SETD3: variants seen among roughly 807,000 people sequenced by gnomAD.
SETD3 encodes actin-histidine N-methyltransferase.
SETD3 carries 19 observed loss-of-function variants against 63.0 expected under a neutral mutation model. The observed-to-expected ratio is 0.30, with a 90% CI of 0.21 to 0.44. SETD3 has a LOEUF of 0.44. Among genes scored for constraint, SETD3 ranks in the 20% least tolerant of loss-of-function variants. SETD3 has a pLI of 1.00. For synonymous variants in SETD3, 286 were observed against 264.1 expected, an observed-to-expected ratio of 1.08 and a Z score of -0.80; for missense variants, 587 against 728.5, an observed-to-expected ratio of 0.81 and a Z score of 2.24.
At chr14:99,444,545 T>C (rs1340722836) in intron 6 of SETD3, 1 of 152,204 alleles carries the variant, frequency 6.6e-6, no homozygotes, top group African/African-American at 2.4e-5. Context: ...ATCCATCTGC[T>C]CTGATCTTAT....
At chr14:99,419,471 C>T (rs902790498) in intron 6 of SETD3, among the ~76,000 whole-genome samples, 5 of 152,166 alleles carry the variant, frequency 3.3e-5, no homozygotes, top group African/African-American at 9.7e-5. Flanking sequence ...GCAAAAGATA[C>T]GTCTGTTTAA....
chr14:99,442,967 G>A (rs968708528), intron 6 of SETD3, among the ~76,000 whole-genome samples: 4 of 152,172 alleles, frequency 2.6e-5, no homozygotes, highest in African/African-American at 7.2e-5. Flanking sequence ...ACTCTGACGC[G>A]GACGGGACGC....
chr14:99,450,908 A>C (rs940795982), intron 6 of SETD3, among the ~76,000 whole-genome samples: 1 of 152,238 alleles, frequency 6.6e-6, no homozygotes, highest in African/African-American at 2.4e-5. Context: ...AGAAAAATGT[A>C]CATGTCTCTA....
intron 6 of SETD3, among the ~76,000 whole-genome samples, chr14:99,420,582 GC>G (rs1041124179): frequency 2.6e-5 from 4 of 152,036 alleles, no homozygotes; most frequent in Non-Finnish European, 5.9e-5. Flanking sequence ...CCACACCAAG[GC>G]AGTGACCATA....
intron 6 of SETD3, among the ~76,000 whole-genome samples, chr14:99,428,912 C>A (rs1893027046): frequency 6.6e-6 from 1 of 152,170 alleles, no homozygotes; most frequent in Non-Finnish European, 1.5e-5. Context: ...AGAGACCCTG[C>A]AGCAGACAGC....
intron 2 of SETD3, among the ~76,000 whole-genome samples, 153 bp from the exon 3 acceptor site, chr14:99,463,731 G>A (rs1236847959): frequency 1.3e-5 from 2 of 152,140 alleles, no homozygotes; most frequent in Non-Finnish European, 2.9e-5. Context: ...TAATGAATGT[G>A]AGAAGTACAA....
At chr14:99,454,460 C>T (rs1277379344) in intron 6 of SETD3, among the ~76,000 whole-genome samples, 1 of 151,968 alleles carries the variant, frequency 6.6e-6, no homozygotes, top group Non-Finnish European at 1.5e-5. Context: ...TTTTTGGCCA[C>T]CAGGAGTTTT....
At chr14:99,435,436 T>C (rs993784411) in intron 6 of SETD3, among the ~76,000 whole-genome samples, 1 of 152,188 alleles carries the variant, frequency 6.6e-6, no homozygotes, top group African/African-American at 2.4e-5. Flanking sequence ...TACTTCCCGA[T>C]AGCTTGTCAA....
chr14:99,433,775 C>G (rs764738413), intron 6 of SETD3, among the ~76,000 whole-genome samples: 2 of 152,196 alleles, frequency 1.3e-5, no homozygotes, highest in Admixed American at 1.3e-4. Flanking sequence ...TGAACAGGCA[C>G]TTCCCAAAAG....
At chr14:99,432,152 C>T (rs1450630118) in intron 6 of SETD3, among the ~76,000 whole-genome samples, 1 of 152,138 alleles carries the variant, frequency 6.6e-6, no homozygotes, top group Non-Finnish European at 1.5e-5. Flanking sequence ...AGTAAAAATA[C>T]ACTGAACTAC....
intron 6 of SETD3, among the ~76,000 whole-genome samples, chr14:99,424,676 T>C (rs1310812573): frequency 6.6e-6 from 1 of 151,906 alleles, no homozygotes; most frequent in African/African-American, 2.4e-5. Context: ...GGTCCCTTCC[T>C]CAGAGGGAGG....
chr14:99,402,804 C>A (rs773000062), intron 11 of SETD3, among the ~76,000 whole-genome samples: 25 of 152,220 alleles, frequency 1.6e-4, no homozygotes, highest in Non-Finnish European at 2.6e-4. Flanking sequence ...CCAATCAAGG[C>A]TGATGGGATT....
chr14:99,402,155 C>G (rs529715795), intron 11 of SETD3, among the ~76,000 whole-genome samples: 1 of 152,234 alleles, frequency 6.6e-6, no homozygotes, highest in African/African-American at 2.4e-5. Context: ...TAAAGGTCTT[C>G]AGTCATACCC....
chr14:99,466,188 T>C (rs965401120), intron 1 of SETD3, among the ~76,000 whole-genome samples: 10 of 152,198 alleles, frequency 6.6e-5, no homozygotes, highest in Non-Finnish European at 1.5e-4. Context: ...TAAAGACCTA[T>C]ATATTCTCTC....
At chr14:99,482,694 A>G (rs1465703098), upstream of SETD3, among the ~76,000 whole-genome samples, 3 of 152,188 alleles carry the variant, frequency 2.0e-5, no homozygotes, top group Non-Finnish European at 4.4e-5. Flanking sequence ...CATTTTGAAA[A>G]TGTAGTTTGC....
At chr14:99,429,070 A>G (rs1011447544) in intron 6 of SETD3, among the ~76,000 whole-genome samples, 2 of 152,194 alleles carry the variant, frequency 1.3e-5, no homozygotes, top group Non-Finnish European at 2.9e-5. Context: ...ACATATGACT[A>G]TTAGTCAAGA....
Position 99,461,174 on chromosome 14 carries a change from A to G in SETD3, c.345+18T>C, listed in dbSNP as rs1208560309. The G allele has an allele frequency of 6.2e-7, 1 of 1,613,546 alleles. No homozygotes were observed. The highest frequency in any genetic ancestry group is 8.5e-7 in the Non-Finnish European group (1 of 1,179,806). ...TCAAACACATAGACCCCTTGAGACC[A>G]ACATTTTATAAACTCACCTTGATAT... On this transcript the variant is annotated intron_variant, in intron 4 of 12. Coordinates refer to ENST00000331768, the MANE Select transcript of SETD3 (RefSeq NM_032233.3).
At chr14:99,479,664 G>A (rs1454241588) in intron 1 of SETD3, among the ~76,000 whole-genome samples, 1 of 152,158 alleles carries the variant, frequency 6.6e-6, no homozygotes, top group South Asian at 2.1e-4. Flanking sequence ...TCTGAGTTCT[G>A]ACAAACGCAT....
chr14:99,436,634 C>T (rs530138625), intron 6 of SETD3, among the ~76,000 whole-genome samples: 7 of 152,298 alleles, frequency 4.6e-5, no homozygotes, highest in African/African-American at 1.4e-4. Flanking sequence ...AAATTTGCTT[C>T]GGTCCACTGT....
Sources: gnomAD v4.1 joint callset for allele counts (sites outside exome capture counted in the v4.1 genomes callset) on GRCh38, gnomAD v4.1.1 for gene constraint, MANE v1.5 for transcripts, NCBI Gene and HGNC (gene_info 2026-07-23, HGNC 2026-07-21) for gene names.